The following ANXA13 variants were observed in gnomAD, a reference collection of about 807,000 sequenced individuals.
ANXA13 encodes annexin A13.
In ANXA13, 36 loss-of-function variants were observed where a neutral mutation model predicts 46.6. The observed-to-expected ratio is 0.77, with a 90% confidence interval of 0.59 to 1.02. The LOEUF is 1.02. ANXA13 is among the 50% of genes least tolerant of loss of function. ANXA13 has a pLI of 0.00. For synonymous variants in ANXA13, 163 were observed against 152.9 expected, an observed-to-expected ratio of 1.07 and a Z score of -0.49; for missense variants, 417 against 396.5, an observed-to-expected ratio of 1.05 and a Z score of -0.44.
At chr8:123,707,585 T>C (rs1452273766) in intron 2 of ANXA13, among the ~76,000 whole-genome samples, 2 of 152,006 alleles carry the variant, frequency 1.3e-5, no homozygotes, top group South Asian at 2.1e-4. Context: ...CTCAGCAAAC[T>C]AACACAGGAA....
At chr8:123,708,374 C>T (rs925986203) in intron 2 of ANXA13, among the ~76,000 whole-genome samples, 3 of 152,164 alleles carry the variant, frequency 2.0e-5, no homozygotes, top group South Asian at 4.2e-4. Flanking sequence ...GGGTGGGAAG[C>T]CCCCAGGCCC....
rs781273901 is a variant in ANXA13, at chr8:123,735,739, A to C, written c.15+1581T>G. 8 of 1,603,518 alleles carry C rather than the reference A, an allele frequency of 5.0e-6. No homozygotes were observed. The South Asian group carries it at 9.0e-5, about 18-fold the overall frequency. On this transcript the variant is annotated intron_variant, in intron 1 of 10. Coordinates refer to ENST00000419625, the MANE Select transcript of ANXA13 (RefSeq NM_004306.4). ...GGGGTCATACCTATGATTTGGGGGG[A>C]AAATAAAGTGCTTACAGGCTGTGGG...
intron 1 of ANXA13, among the ~76,000 whole-genome samples, chr8:123,718,819 C>A (rs979483356): frequency 2.7e-4 from 41 of 152,190 alleles, no homozygotes; most frequent in Admixed American, 2.7e-3. Flanking sequence ...GCAGAAAACA[C>A]CTACGTTGAG....
rs1351918545 is a variant in ANXA13 at position 123,696,105 on chromosome 8, AT to A, written c.358-385del. Among the ~76,000 whole-genome samples the A allele has an allele frequency of 1.6e-3, 233 of 147,988 alleles. 1 individual carries two copies. Among genetic ancestry groups the A allele is most frequent in the African/African-American group, 3.7e-3 (152 of 40,572 alleles). ...CAGTGCGTATCAGAAAGATACACAG[AT>A]TTTTTTTTTTGCGTTTGTATATATA... On this transcript the variant is annotated intron_variant, in intron 4 of 10. Transcript: ENST00000419625.
chr8:123,703,599 G>A (rs1359994064), intron 2 of ANXA13, among the ~76,000 whole-genome samples: 1 of 152,170 alleles, frequency 6.6e-6, no homozygotes, highest in Non-Finnish European at 1.5e-5. Context: ...ACAAGATTAG[G>A]ATATAGGCTG....
intron 1 of ANXA13, among the ~76,000 whole-genome samples, chr8:123,731,395 A>G (rs1814114596): frequency 6.6e-6 from 1 of 152,254 alleles, no homozygotes; most frequent in Admixed American, 6.5e-5. Flanking sequence ...CCAACTGGGC[A>G]AAACACTGAT....
chr8:123,692,631 A>G (rs994495641), intron 8 of ANXA13, among the ~76,000 whole-genome samples: 7 of 152,222 alleles, frequency 4.6e-5, no homozygotes, highest in Non-Finnish European at 8.8e-5. Flanking sequence ...CTGTTAGCCA[A>G]CTGTAAACTG....
chr8:123,729,623 T>C (rs191380813), intron 1 of ANXA13, among the ~76,000 whole-genome samples: 1 of 152,276 alleles, frequency 6.6e-6, no homozygotes. Context: ...ATGACAGTTA[T>C]CTTGCACCTA....
intron 1 of ANXA13, among the ~76,000 whole-genome samples, chr8:123,733,669 T>A (rs760670028): frequency 2.6e-5 from 4 of 152,246 alleles, no homozygotes; most frequent in Non-Finnish European, 4.4e-5. Context: ...GCAATGACCA[T>A]CTGCCTTTGT....
At chr8:123,700,172 A>G (rs1030391341) in intron 3 of ANXA13, among the ~76,000 whole-genome samples, 4 of 152,222 alleles carry the variant, frequency 2.6e-5, no homozygotes, top group African/African-American at 7.2e-5. Context: ...CATCTTGTGA[A>G]GGCAGGTCTG....
intron 9 of ANXA13, among the ~76,000 whole-genome samples, chr8:123,686,333 C>T (rs77967646): frequency 0.056 from 8,543 of 151,790 alleles, 583 homozygotes; most frequent in African/African-American, 0.17. Flanking sequence ...ATTAGCCAGG[C>T]TTGGTAATCC....
intron 2 of ANXA13, chr8:123,712,422 G>T: frequency 1.9e-6 from 1 of 522,796 alleles, no homozygotes; most frequent in Non-Finnish European, 3.5e-6. Context: ...TTCTCATGAA[G>T]TTTCTCTCAC....
chr8:123,727,214 T>G (rs923551072), intron 1 of ANXA13, among the ~76,000 whole-genome samples: 2 of 152,138 alleles, frequency 1.3e-5, no homozygotes, highest in Non-Finnish European at 2.9e-5. Flanking sequence ...TAAAGAATTT[T>G]TAAAAAAGAA....
intron 10 of ANXA13, among the ~76,000 whole-genome samples, chr8:123,681,788 T>A (rs1813045004): frequency 6.6e-6 from 1 of 151,938 alleles, no homozygotes; most frequent in Non-Finnish European, 1.5e-5. Context: ...GCCTGGCTAA[T>A]TTTTTTCTGT....
intron 8 of ANXA13, among the ~76,000 whole-genome samples, chr8:123,692,752 G>A (rs573308519): frequency 6.6e-6 from 1 of 152,088 alleles, no homozygotes; most frequent in African/African-American, 2.4e-5. Flanking sequence ...TGATGTTCAC[G>A]GTTCCTGTTC....
chr8:123,697,061 C>A (rs372209487), intron 4 of ANXA13, among the ~76,000 whole-genome samples: 134 of 152,230 alleles, frequency 8.8e-4, no homozygotes, highest in African/African-American at 2.6e-3. Flanking sequence ...AGATGCATGG[C>A]GCCACACCTG....
At chr8:123,730,906 C>T (rs924961537) in intron 1 of ANXA13, among the ~76,000 whole-genome samples, 25 of 152,176 alleles carry the variant, frequency 1.6e-4, no homozygotes, top group East Asian at 3.9e-4. Context: ...GGCTGCATTC[C>T]GGGTGAGAAG....
intron 4 of ANXA13, among the ~76,000 whole-genome samples, chr8:123,698,183 C>A (rs542263354): frequency 6.6e-6 from 1 of 152,322 alleles, no homozygotes; most frequent in Admixed American, 6.5e-5. Context: ...CTGAAAAGAT[C>A]GATTCTGTTA....
intron 1 of ANXA13, among the ~76,000 whole-genome samples, chr8:123,736,215 A>C (rs577579688): frequency 6.6e-6 from 1 of 152,324 alleles, no homozygotes; most frequent in Non-Finnish European, 1.5e-5. Flanking sequence ...CTTATAGACA[A>C]AGTAACAGTT....
Sources: gnomAD v4.1 joint callset for allele counts (sites outside exome capture counted in the v4.1 genomes callset) on GRCh38, gnomAD v4.1.1 for gene constraint, MANE v1.5 for transcripts, NCBI Gene and HGNC (gene_info 2026-07-23, HGNC 2026-07-21) for gene names.